Variants in GRIK2 observed in about 807,000 individuals in gnomAD.
GRIK2 encodes the protein glutamate ionotropic receptor kainate type subunit 2.
In GRIK2, 32 loss-of-function variants were observed where a neutral mutation model predicts 100.3. The ratio of observed to expected loss-of-function variants is 0.32; its 90% CI spans 0.24 to 0.43. The LOEUF is 0.43. GRIK2 is among the 20% of genes least tolerant of loss of function. The pLI, the probability that GRIK2 is intolerant of heterozygous loss-of-function variation, is 1.00. For missense variants in GRIK2, 843 were observed against 1,114.9 expected (o/e 0.76, Z 3.47); for synonymous variants, 417 against 389.4 (o/e 1.07, Z -0.83).
chr6:101,800,877 C>A (rs1220288029), intron 8 of GRIK2, among the ~76,000 whole-genome samples: 1 of 151,986 alleles, frequency 6.6e-6, no homozygotes, highest in Non-Finnish European at 1.5e-5. Context: ...CTAAAAGAAG[C>A]AGTTGTATGA....
At chr6:101,517,693 G>A (rs1382777795) in intron 2 of GRIK2, among the ~76,000 whole-genome samples, 1 of 151,994 alleles carries the variant, frequency 6.6e-6, no homozygotes, top group East Asian at 1.9e-4. Flanking sequence ...TGACTTTTAG[G>A]CCTCTGCTTT....
intron 2 of GRIK2, among the ~76,000 whole-genome samples, chr6:101,562,983 G>A (rs1777090736): frequency 6.6e-6 from 1 of 152,180 alleles, no homozygotes; most frequent in South Asian, 2.1e-4. Context: ...TGCTTGCAAT[G>A]GGGCTGTACC....
chr6:101,676,440 A>T (rs1427247827), intron 4 of GRIK2, among the ~76,000 whole-genome samples, 183 bp from the exon 5 acceptor site: 2 of 152,152 alleles, frequency 1.3e-5, no homozygotes, highest in Admixed American at 6.6e-5. Flanking sequence ...GGTCAAGAAA[A>T]TTATGCGTTC....
At chr6:101,779,300 C>T (rs866183074) in intron 7 of GRIK2, among the ~76,000 whole-genome samples, 7 of 152,150 alleles carry the variant, frequency 4.6e-5, no homozygotes, top group Middle Eastern at 3.4e-3. Flanking sequence ...GCCTGTTTGT[C>T]TGTTACACAT....
chr6:101,611,075 A>AT (rs1656092747), intron 2 of GRIK2, among the ~76,000 whole-genome samples: 1 of 151,748 alleles, frequency 6.6e-6, no homozygotes, highest in South Asian at 2.1e-4. Flanking sequence ...CCTCCCTTGG[A>AT]TTTTAATGGT....
At chr6:102,029,788 T>A (rs1769889516) in intron 14 of GRIK2, among the ~76,000 whole-genome samples, 1 of 151,156 alleles carries the variant, frequency 6.6e-6, no homozygotes, top group South Asian at 2.1e-4. Flanking sequence ...TGAGGTACAG[T>A]TGACCTCAAT....
chr6:101,474,968 C>T (rs1772152135), intron 2 of GRIK2, among the ~76,000 whole-genome samples: 1 of 151,712 alleles, frequency 6.6e-6, no homozygotes, highest in South Asian at 2.1e-4. Flanking sequence ...GATTTTTCTT[C>T]TTCCCATAGT....
chr6:101,875,285 A>G (rs1238604004), intron 11 of GRIK2, among the ~76,000 whole-genome samples: 1 of 151,990 alleles, frequency 6.6e-6, no homozygotes, highest in East Asian at 1.9e-4. Flanking sequence ...GTGGACAAGA[A>G]ACCAAGGACA....
At chr6:101,837,577 G>C (rs896854307) in intron 10 of GRIK2, among the ~76,000 whole-genome samples, 2 of 152,124 alleles carry the variant, frequency 1.3e-5, no homozygotes, top group Non-Finnish European at 2.9e-5. Flanking sequence ...AGGGAAAATA[G>C]TCTGGGGAAT....
At chr6:101,803,855 A>G (rs76210365) in intron 9 of GRIK2, among the ~76,000 whole-genome samples, 213 of 152,018 alleles carry the variant, frequency 1.4e-3, no homozygotes, top group Non-Finnish European at 2.3e-3. Flanking sequence ...CCTGAATATA[A>G]TGGTTATCAA....
intron 2 of GRIK2, among the ~76,000 whole-genome samples, chr6:101,545,279 G>T (rs760379882): frequency 2.6e-5 from 4 of 152,118 alleles, no homozygotes; most frequent in Non-Finnish European, 5.9e-5. Context: ...TGTATAGAAA[G>T]CTGTAGTGCA....
chr6:101,576,521 A>G (rs1351409482), intron 2 of GRIK2, among the ~76,000 whole-genome samples: 1 of 151,990 alleles, frequency 6.6e-6, no homozygotes, highest in Non-Finnish European at 1.5e-5. Flanking sequence ...AGTATGATCC[A>G]CCCTGGCATT....
At chr6:101,610,739 C>T (rs1779632982) in intron 2 of GRIK2, among the ~76,000 whole-genome samples, 1 of 151,910 alleles carries the variant, frequency 6.6e-6, no homozygotes, top group Admixed American at 6.6e-5. Flanking sequence ...GAGGCTTGCT[C>T]ATCCAGTCAC....
chr6:101,573,968 C>T (rs1339847849), intron 2 of GRIK2, among the ~76,000 whole-genome samples: 1 of 151,762 alleles, frequency 6.6e-6, no homozygotes, highest in Non-Finnish European at 1.5e-5. Context: ...TTTTTTCTCC[C>T]TAAGAAATCA....
intron 1 of GRIK2, among the ~76,000 whole-genome samples, chr6:101,395,830 A>T (rs1220996226): frequency 6.6e-6 from 1 of 152,056 alleles, no homozygotes; most frequent in Non-Finnish European, 1.5e-5. Flanking sequence ...GTGTGCGTGT[A>T]TGTGTGTTTT....
At chr6:102,065,181 A>G (rs1771955478) in intron 16 of GRIK2, among the ~76,000 whole-genome samples, 1 of 151,250 alleles carries the variant, frequency 6.6e-6, no homozygotes, top group Non-Finnish European at 1.5e-5. Flanking sequence ...AATAAAGTCT[A>G]TGACGACAAT....
At chr6:102,044,386 T>C (rs927208597) in intron 15 of GRIK2, among the ~76,000 whole-genome samples, 1 of 152,070 alleles carries the variant, frequency 6.6e-6, no homozygotes, top group Admixed American at 6.6e-5. Context: ...TCTGTTTTCA[T>C]GCTGCTGATA....
intron 14 of GRIK2, among the ~76,000 whole-genome samples, chr6:101,997,821 C>A (rs1394714136): frequency 6.6e-6 from 1 of 151,428 alleles, no homozygotes; most frequent in African/African-American, 2.4e-5. Context: ...TGACTAATTC[C>A]TCTTTTTTCT....
At chr6:101,716,660 T>G (rs1315654599) in intron 7 of GRIK2, among the ~76,000 whole-genome samples, 2 of 150,602 alleles carry the variant, frequency 1.3e-5, no homozygotes, top group African/African-American at 4.9e-5. Context: ...AATGACCAGT[T>G]AATGGGTGCA....
Sources: allele counts gnomAD v4.1 joint callset (sites outside exome capture counted in the v4.1 genomes callset), GRCh38; gene constraint gnomAD v4.1.1; transcripts MANE v1.5; gene names NCBI Gene and HGNC (gene_info 2026-07-23, HGNC 2026-07-21).